Variants in NUMB observed in about 807,000 individuals in gnomAD.
The protein encoded by NUMB is protein numb homolog.
A neutral mutation model predicts 59.7 loss-of-function variants in NUMB; 29 were observed. The observed-to-expected ratio is 0.49, with a 90% confidence interval of 0.36 to 0.66. The LOEUF is 0.66. NUMB is among the 30% of genes least tolerant of loss of function. The pLI, the probability that NUMB is intolerant of heterozygous loss-of-function variation, is 0.00. For missense variants in NUMB, 723 were observed against 822.0 expected (o/e 0.88, Z 1.47); for synonymous variants, 288 against 288.2 (o/e 1.00, Z 0.01).
intron 2 of NUMB, among the ~76,000 whole-genome samples, chr14:73,400,402 C>G (rs1896356278): frequency 6.6e-6 from 1 of 152,200 alleles, no homozygotes. Flanking sequence ...CAAGAATAAA[C>G]TCTAATGTAA....
At chr14:73,376,772 G>C (rs987851958) in intron 2 of NUMB, among the ~76,000 whole-genome samples, 1 of 152,152 alleles carries the variant, frequency 6.6e-6, no homozygotes, top group Non-Finnish European at 1.5e-5. Flanking sequence ...AGATACTCAG[G>C]AGACTGAAGT....
chr14:73,394,678 C>T (rs1896030500), intron 2 of NUMB, among the ~76,000 whole-genome samples: 1 of 152,162 alleles, frequency 6.6e-6, no homozygotes, highest in Non-Finnish European at 1.5e-5. Context: ...TACCCTTTGA[C>T]CTGTTCCCTC....
chr14:73,380,715 C>T (rs1895186971), intron 2 of NUMB, among the ~76,000 whole-genome samples: 1 of 144,426 alleles, frequency 6.9e-6, no homozygotes, highest in Non-Finnish European at 1.5e-5. Context: ...TGGGCACATT[C>T]ATCAATTAGT....
At chr14:73,311,044 C>T (rs531138462) in intron 6 of NUMB, among the ~76,000 whole-genome samples, 2 of 151,992 alleles carry the variant, frequency 1.3e-5, no homozygotes, top group African/African-American at 4.8e-5. Flanking sequence ...AGGCAATGAG[C>T]TATTTATTTA....
intron 2 of NUMB, among the ~76,000 whole-genome samples, chr14:73,400,625 A>G (rs1024264393): frequency 6.6e-6 from 1 of 152,220 alleles, no homozygotes; most frequent in Non-Finnish European, 1.5e-5. Flanking sequence ...GTCACCTGAA[A>G]GACCAAGGCA....
Position 73,366,206 on chromosome 14 carries a change from T to G in NUMB, c.-16+691A>C, listed in dbSNP as rs931331151. On this transcript the variant is annotated intron_variant, in intron 3 of 12. Transcript: ENST00000555238. The stretch of plus-strand genomic sequence containing the variant: ...CTAGTGGTCCTATGTATGGCCCTTA[T>G]ATATGTAAGGCTCTTGTACATGTGA... Among the ~76,000 whole-genome samples, 8 of 152,222 alleles carry G rather than the reference T, an allele frequency of 5.3e-5. No individual in the cohort carries two copies. In the East Asian group the frequency reaches 1.5e-3, roughly 29 times the overall value.
intron 6 of NUMB, among the ~76,000 whole-genome samples, chr14:73,310,723 AAGT>A (rs370910973): frequency 5.3e-5 from 8 of 151,174 alleles, no homozygotes; most frequent in African/African-American, 2.0e-4. Flanking sequence ...GCAAATTAGA[AAGT>A]AGGTCAAAGC....
intron 4 of NUMB, among the ~76,000 whole-genome samples, chr14:73,341,943 A>T (rs924861230): frequency 6.6e-6 from 1 of 152,234 alleles, no homozygotes; most frequent in African/African-American, 2.4e-5. Flanking sequence ...AACATCATGT[A>T]ACAGAAATCT....
In NUMB at chr14:73,278,721, C is replaced by CTTTTT. The variant is rs35813203; in HGVS notation, c.1240+555_1240+559dup. 7.9e-4 allele frequency among the ~76,000 whole-genome samples: 46 copies of CTTTTT among 58,060 alleles called. 4 individuals are homozygous for CTTTTT. Among genetic ancestry groups the CTTTTT allele is most frequent in the Non-Finnish European group, 1.0e-3 (35 of 35,066 alleles). 38.1% of individuals were successfully genotyped at this position (58,060 alleles called of 152,430 possible). ...ATTCTCTGAGGTGGGGCCCTGGAATCTTTTTTTTTTTTTTTTTTTTTTTTG... is the reference window on the plus strand; with the variant it reads ...ATTCTCTGAGGTGGGGCCCTGGAATCTTTTTTTTTTTTTTTTTTTTTTTTTTTTTG... On this transcript the variant is annotated intron_variant, in intron 12 of 12. Coordinates refer to ENST00000555238, the MANE Select transcript of NUMB (RefSeq NM_001005743.2).
intron 11 of NUMB, among the ~76,000 whole-genome samples, chr14:73,280,608 G>A (rs1262554126): frequency 6.7e-6 from 1 of 150,176 alleles, no homozygotes; most frequent in Non-Finnish European, 1.5e-5. Context: ...GTTTGGTGTA[G>A]ACAAGCACCC....
rs71112737 is a variant in NUMB at position 73,353,072 on chromosome 14, G to GTTTTTTT, written c.126+2547_126+2553dup. Among the ~76,000 whole-genome samples the GTTTTTTT allele has an allele frequency of 8.7e-3, 505 of 58,340 alleles. 84 individuals are homozygous for GTTTTTTT. The highest frequency in any genetic ancestry group is 0.013 in the Non-Finnish European group (402 of 30,214). 38.3% of individuals were successfully genotyped at this position (58,340 alleles called of 152,430 possible). ...CTTAATGGATGCCACAGTTTTTCTTGTTTTTTTTTTTTTTTTTTTTTTTTT... is the reference window on the plus strand; with the variant it reads ...CTTAATGGATGCCACAGTTTTTCTTGTTTTTTTTTTTTTTTTTTTTTTTTTTTTTTTT... On this transcript the variant is annotated intron_variant, in intron 4 of 12. Transcript: ENST00000555238.
Position 73,410,029 on chromosome 14 carries a change from C to A in NUMB, c.-193G>T, listed in dbSNP as rs908791646. ...ATCTTGAATTGTAACAGTGGCTGCA[C>A]TGGCACTCTTCCCCGGAAGAAGTTG... On this transcript the variant is annotated 5_prime_UTR_variant, in exon 2 of 13. Transcript: ENST00000555238. 1 of 152,236 alleles carries A rather than the reference C, an allele frequency of 6.6e-6. No homozygotes were observed. Among genetic ancestry groups the A allele is most frequent in the African/African-American group, 2.4e-5 (1 of 41,448 alleles). The allele number at this position is 152,236 out of a possible 1,614,324, so 9.4% of individuals were successfully genotyped here.
chr14:73,302,103 A>T (rs942935724), intron 6 of NUMB, among the ~76,000 whole-genome samples: 2 of 152,074 alleles, frequency 1.3e-5, no homozygotes, highest in African/African-American at 4.8e-5. Flanking sequence ...AAAAATAAAA[A>T]AAATTGTGCT....
At chr14:73,382,377 C>A (rs1229399948) in intron 2 of NUMB, among the ~76,000 whole-genome samples, 1 of 151,886 alleles carries the variant, frequency 6.6e-6, no homozygotes, top group African/African-American at 2.4e-5. Flanking sequence ...GAACTCCTGA[C>A]CTCAGGTGAT....
At chr14:73,330,510 G>T (rs1466600223) in intron 4 of NUMB, among the ~76,000 whole-genome samples, 1 of 152,108 alleles carries the variant, frequency 6.6e-6, no homozygotes, top group African/African-American at 2.4e-5. Context: ...CTGGCTTCAT[G>T]GTCTTGGGCA....
intron 4 of NUMB, among the ~76,000 whole-genome samples, chr14:73,351,846 G>A (rs1356106014): frequency 6.6e-6 from 1 of 151,788 alleles, no homozygotes; most frequent in East Asian, 1.9e-4. Context: ...TGTGGTGGCA[G>A]GCGCCTGTAG....
intron 1 of NUMB, among the ~76,000 whole-genome samples, chr14:73,454,865 T>G (rs1210525080): frequency 2.6e-5 from 4 of 152,202 alleles, no homozygotes; most frequent in African/African-American, 9.6e-5. Context: ...TCATATAGGA[T>G]TTCTCATTCT....
At chr14:73,395,037 T>TTGTG (rs3028731) in intron 2 of NUMB, among the ~76,000 whole-genome samples, 9,038 of 119,422 alleles carry the variant, frequency 0.076, 528 homozygotes, top group Non-Finnish European at 0.1. Context: ...ATTCGTGTGT[T>TTGTG]TGTGTGTGTG....
intron 12 of NUMB, among the ~76,000 whole-genome samples, chr14:73,278,134 GAAA>G (rs1888326430): frequency 1.4e-5 from 2 of 146,718 alleles, no homozygotes; most frequent in South Asian, 4.4e-4. Context: ...AGAGCAAAAA[GAAA>G]ATAACCAGTG....
Sources: allele counts gnomAD v4.1 joint callset (sites outside exome capture counted in the v4.1 genomes callset), GRCh38; gene constraint gnomAD v4.1.1; transcripts MANE v1.5; gene names NCBI Gene and HGNC (gene_info 2026-07-23, HGNC 2026-07-21).